The following ATP11A variants were observed in gnomAD, a reference collection of about 807,000 sequenced individuals.
ATP11A encodes the protein phospholipid-transporting ATPase IH.
ATP11A carries 81 observed loss-of-function variants against 154.4 expected under a neutral mutation model. The ratio of observed to expected loss-of-function variants is 0.52; its 90% CI spans 0.44 to 0.63. The LOEUF is 0.63. Ranked by LOEUF, ATP11A falls within the 30% of genes least tolerant of loss-of-function variation. The probability of loss-of-function intolerance (pLI) is 0.00; values close to 1 mark genes in which losing one functional copy is unlikely to be tolerated. For synonymous variants in ATP11A, 623 were observed against 585.9 expected, an observed-to-expected ratio of 1.06 and a Z score of -0.91; for missense variants, 1,316 against 1,474.3, an observed-to-expected ratio of 0.89 and a Z score of 1.76.
At chr13:112,853,461 G>A (rs2079834105) in intron 18 of ATP11A, among the ~76,000 whole-genome samples, 1 of 152,036 alleles carries the variant, frequency 6.6e-6, no homozygotes, top group Non-Finnish European at 1.5e-5. Flanking sequence ...ATACTTTCTA[G>A]AAGCATGGCA....
chr13:112,788,405 C>A (rs1298983648), intron 2 of ATP11A, among the ~76,000 whole-genome samples: 1 of 147,714 alleles, frequency 6.8e-6, no homozygotes, highest in African/African-American at 2.5e-5. Context: ...GATGTATAGA[C>A]CCTTGCGGAG....
intron 1 of ATP11A, among the ~76,000 whole-genome samples, chr13:112,711,724 C>T (rs945441532): frequency 6.6e-6 from 1 of 152,218 alleles, no homozygotes; most frequent in Non-Finnish European, 1.5e-5. Flanking sequence ...GAAGTCCTGG[C>T]TGTTCAGAAT....
rs566368895 is a variant in ATP11A, at chr13:112,791,589, TCTGC to T, written c.162+6335_162+6338del. Among the ~76,000 whole-genome samples the T allele has an allele frequency of 1.2e-3, 189 of 152,306 alleles. No homozygotes were observed. The East Asian group carries it at 0.013, about 10-fold the overall frequency. On this transcript the variant is annotated intron_variant, in intron 2 of 29. Coordinates refer to ENST00000375645, the MANE Select transcript of ATP11A (RefSeq NM_015205.3). ...GAGGAGATGACAGAGCATGGCGAAT[TCTGC>T]CTCCCACTCCTGACCCCTCTGCTGT...
At chr13:112,827,085 C>A (rs2078953588) in intron 12 of ATP11A, among the ~76,000 whole-genome samples, 194 bp downstream of exon 12, 1 of 152,204 alleles carries the variant, frequency 6.6e-6, no homozygotes, top group Non-Finnish European at 1.5e-5. Context: ...TGCAGAATTA[C>A]CTGCACTTGC....
rs749110995 is a variant in ATP11A, at chr13:112,730,848, C to T, written c.39+40393C>T. ...TTTTCGGAATTAGATGCCGCTGTGA[C>T]GGCAGCAGGTCGGTGGCAGGGTGGG... On this transcript the variant is annotated intron_variant, in intron 1 of 29. Coordinates refer to ENST00000375645, the MANE Select transcript of ATP11A (RefSeq NM_015205.3). Among the ~76,000 whole-genome samples, 6 of 152,196 alleles carry T rather than the reference C, an allele frequency of 3.9e-5. No individual in the cohort carries two copies. In the East Asian group the frequency reaches 5.8e-4, roughly 15 times the overall value.
In ATP11A at chr13:112,862,470, G is replaced by C; in HGVS notation, c.2886G>C (p.Trp962Cys). ...RDVAKNALLR[W>C]RVFIYWTLLG... ...TCGCCAAGAATGCCCTGCTGCGCTG[G>C]CGCGTGTTCATCTACTGGACGCTCC... The change falls in exon 25 of 30, where the codon TGG becomes TGC. Residue 962 changes from tryptophan to cysteine, a missense_variant. Trp to Cys is a radical substitution (Grantham distance 215). Transcript: ENST00000375645. The C allele has an allele frequency of 6.2e-7, 1 of 1,614,082 alleles. No individual in the cohort carries two copies. The highest frequency in any genetic ancestry group is 1.7e-4 in the Middle Eastern group (1 of 6,000).
intron 17 of ATP11A, among the ~76,000 whole-genome samples, chr13:112,845,627 A>G (rs2079571248): frequency 8.0e-6 from 1 of 124,420 alleles, no homozygotes; most frequent in Non-Finnish European, 1.6e-5. Flanking sequence ...GGTACTAACC[A>G]GTCCAGTTGC....
intron 1 of ATP11A, among the ~76,000 whole-genome samples, chr13:112,718,279 T>C (rs1888722490): frequency 6.6e-6 from 1 of 152,254 alleles, no homozygotes; most frequent in Non-Finnish European, 1.5e-5. Flanking sequence ...GCACCTGGAT[T>C]TTTTTGACGC....
At chr13:112,878,172 T>C (rs1013726365) in intron 28 of ATP11A, 45 bp from the exon 29 acceptor site, 26 of 1,563,162 alleles carry the variant, frequency 1.7e-5, no homozygotes, top group Non-Finnish European at 2.3e-5. Context: ...CCTCACACCT[T>C]GTTCACACAC....
intron 12 of ATP11A, 142 bp downstream of exon 12, chr13:112,827,033 T>C: frequency 1.3e-6 from 1 of 784,210 alleles, no homozygotes. Flanking sequence ...TTTTGAACCC[T>C]ATTTATGAAA....
At chr13:112,732,685 C>T (rs1294243726) in intron 1 of ATP11A, among the ~76,000 whole-genome samples, 1 of 152,164 alleles carries the variant, frequency 6.6e-6, no homozygotes, top group African/African-American at 2.4e-5. Flanking sequence ...GATCTCGGCT[C>T]ACTGCAACCT....
intron 12 of ATP11A, among the ~76,000 whole-genome samples, chr13:112,830,348 G>A (rs2079052469): frequency 6.6e-6 from 1 of 152,176 alleles, no homozygotes. Flanking sequence ...GCTGAGGTGG[G>A]TGGATCGCCT....
chr13:112,842,845 T>C (rs1212128830), intron 17 of ATP11A, among the ~76,000 whole-genome samples: 1 of 152,254 alleles, frequency 6.6e-6, no homozygotes, highest in Non-Finnish European at 1.5e-5. Flanking sequence ...TAAGGTTTCT[T>C]TCCACCACTT....
rs529823523 is a variant in ATP11A, at chr13:112,845,087, C to T, written c.1809+2708C>T. ...GTTACTGGGCACTGGTGGTACAGAC[C>T]AGTCCAGTTGCCAGCCACTAGCGGT... is the stretch of plus-strand genomic sequence containing the variant. On this transcript the variant is annotated intron_variant, in intron 17 of 29. Transcript: ENST00000375645. Among the ~76,000 whole-genome samples, 4 of 151,944 alleles carry T rather than the reference C, an allele frequency of 2.6e-5. No homozygotes were observed. In the East Asian group the frequency reaches 7.8e-4, roughly 30 times the overall value.
Position 112,807,382 on chromosome 13 carries a change from G to C in ATP11A, c.333+1089G>C, listed in dbSNP as rs1014340386. ...TATTCATGGTGGCTGTCATTGATTA[G>C]CAAAGGACTCGGGCAACCTGGTGTC... On this transcript the variant is annotated intron_variant, in intron 4 of 29. Transcript: ENST00000375645. This position sits in a 1 kb window ranked among gnomAD's most constrained non-coding sequence, Gnocchi z 4.5. 2.6e-5 allele frequency among the ~76,000 whole-genome samples: 4 copies of C among 152,246 alleles called. No homozygotes were observed. The highest frequency in any genetic ancestry group is 9.6e-5 in the African/African-American group (4 of 41,454).
At chr13:112,720,390 GT>G (rs1299853420) in intron 1 of ATP11A, among the ~76,000 whole-genome samples, 1 of 152,222 alleles carries the variant, frequency 6.6e-6, no homozygotes, top group Non-Finnish European at 1.5e-5. Flanking sequence ...GGAAGGGAGT[GT>G]TTAGATGAGG....
intron 4 of ATP11A, among the ~76,000 whole-genome samples, chr13:112,808,189 C>T (rs1229459852): frequency 1.3e-5 from 2 of 152,114 alleles, no homozygotes; most frequent in Non-Finnish European, 2.9e-5. Flanking sequence ...CCCGGCTGTG[C>T]CCCATCCCTG....
At chr13:112,867,114 C>G (rs139808561) in intron 25 of ATP11A, among the ~76,000 whole-genome samples, 1 of 152,178 alleles carries the variant, frequency 6.6e-6, no homozygotes, top group South Asian at 2.1e-4. Flanking sequence ...AGGCTCCTGG[C>G]GGCTGCCAAT....
chr13:112,818,625 G>A (rs2078711647), intron 6 of ATP11A, among the ~76,000 whole-genome samples: 1 of 152,198 alleles, frequency 6.6e-6, no homozygotes, highest in Admixed American at 6.5e-5. Flanking sequence ...CCGACCTGCT[G>A]GTGCTCACAG....
Sources: gnomAD v4.1 joint callset for allele counts (sites outside exome capture counted in the v4.1 genomes callset) on GRCh38, gnomAD v4.1.1 for gene constraint, Gnocchi (gnomAD v3.1) non-coding constraint, MANE v1.5 for transcripts, NCBI Gene and HGNC (gene_info 2026-07-23, HGNC 2026-07-21) for gene names.